GRM7: variants seen among roughly 807,000 people sequenced by gnomAD.
GRM7 encodes the protein metabotropic glutamate receptor 7.
GRM7 carries 35 observed loss-of-function variants against 84.5 expected under a neutral mutation model. That is an observed-to-expected ratio of 0.41 (90% confidence interval 0.32 to 0.55). The LOEUF is 0.55. Ranked by LOEUF, GRM7 falls within the 20% of genes least tolerant of loss-of-function variation. The pLI, the probability that GRM7 is intolerant of heterozygous loss-of-function variation, is 0.19. For synonymous variants in GRM7, 487 were observed against 455.1 expected, an observed-to-expected ratio of 1.07 and a Z score of -0.89; for missense variants, 1,003 against 1,194.6, an observed-to-expected ratio of 0.84 and a Z score of 2.36.
intron 2 of GRM7, among the ~76,000 whole-genome samples, chr3:7,216,558 T>C (rs185910356): frequency 1.3e-5 from 2 of 152,262 alleles, no homozygotes; most frequent in East Asian, 3.9e-4. Context: ...GCTTTAGAGA[T>C]TTATGCAAAA....
chr3:7,653,134 C>A (rs1227316559), intron 8 of GRM7, among the ~76,000 whole-genome samples: 1 of 137,038 alleles, frequency 7.3e-6, no homozygotes, highest in Non-Finnish European at 1.5e-5. Flanking sequence ...CCTTAGCCTG[C>A]TTTGTGTTAT....
intron 4 of GRM7, among the ~76,000 whole-genome samples, chr3:7,403,762 T>A (rs867586088): frequency 7.3e-5 from 11 of 150,780 alleles, no homozygotes; most frequent in African/African-American, 2.7e-4. Context: ...TATTTGTATA[T>A]ATAAGAATAT....
chr3:7,331,186 C>T (rs1479625805), intron 4 of GRM7, among the ~76,000 whole-genome samples: 1 of 152,134 alleles, frequency 6.6e-6, no homozygotes, highest in Non-Finnish European at 1.5e-5. Flanking sequence ...GGCTGGCACA[C>T]ATTAGATACT....
chr3:7,456,863 C>G (rs1237664136), intron 6 of GRM7, among the ~76,000 whole-genome samples: 1 of 152,084 alleles, frequency 6.6e-6, no homozygotes, highest in Non-Finnish European at 1.5e-5. Flanking sequence ...AGAAGCTGTG[C>G]TAAATTTAAT....
At chr3:7,683,719 A>C (rs527292460) in intron 9 of GRM7, among the ~76,000 whole-genome samples, 1 of 152,246 alleles carries the variant, frequency 6.6e-6, no homozygotes, top group Non-Finnish European at 1.5e-5. Flanking sequence ...TAGCTACTCA[A>C]CTGAAGAAAT....
At chr3:7,489,178 A>T (rs1048689210) in intron 7 of GRM7, among the ~76,000 whole-genome samples, 4 of 152,184 alleles carry the variant, frequency 2.6e-5, no homozygotes, top group Admixed American at 2.6e-4. Flanking sequence ...TCACCATAAG[A>T]AATATATTTT....
chr3:7,521,102 A>G (rs1700576120), intron 7 of GRM7, among the ~76,000 whole-genome samples: 1 of 152,156 alleles, frequency 6.6e-6, no homozygotes, highest in Admixed American at 6.5e-5. Flanking sequence ...TCAGTTCAAA[A>G]ACTCAGGTGT....
intron 4 of GRM7, among the ~76,000 whole-genome samples, chr3:7,398,597 G>T (rs181894317): frequency 2.0e-5 from 3 of 152,068 alleles, no homozygotes; most frequent in Admixed American, 2.0e-4. Context: ...CTTAAATCTT[G>T]GGAGGACTGT....
chr3:7,184,738 G>A (rs190554528), intron 2 of GRM7, among the ~76,000 whole-genome samples: 69 of 152,162 alleles, frequency 4.5e-4, no homozygotes, highest in African/African-American at 1.5e-3. Context: ...ATATTCAAAT[G>A]TGTTTTATTT....
At chr3:7,278,033 G>A (rs914195534) in intron 2 of GRM7, among the ~76,000 whole-genome samples, 11 of 151,918 alleles carry the variant, frequency 7.2e-5, no homozygotes, top group East Asian at 1.9e-4. Flanking sequence ...TTCCCATTGC[G>A]GTTGAATATT....
chr3:6,934,436 A>G (rs1697615883), intron 1 of GRM7, among the ~76,000 whole-genome samples: 1 of 152,192 alleles, frequency 6.6e-6, no homozygotes, highest in Non-Finnish European at 1.5e-5. Context: ...GGAAAGAATA[A>G]TATTAGAAAA....
chr3:7,673,446 C>A (rs1271945228), intron 8 of GRM7, among the ~76,000 whole-genome samples: 2 of 149,740 alleles, frequency 1.3e-5, no homozygotes. Flanking sequence ...AAAAGTTTCC[C>A]ATGAAAAAAC....
At chr3:7,324,018 A>G (rs892864852) in intron 4 of GRM7, among the ~76,000 whole-genome samples, 1 of 152,084 alleles carries the variant, frequency 6.6e-6, no homozygotes, top group Non-Finnish European at 1.5e-5. Context: ...CCAATTTCTC[A>G]TGCCTTCCCT....
chr3:7,333,609 C>T (rs1701295252), intron 4 of GRM7, among the ~76,000 whole-genome samples: 1 of 152,004 alleles, frequency 6.6e-6, no homozygotes, highest in Admixed American at 6.5e-5. Context: ...AGCAATGGAT[C>T]CAAACCAAGA....
At chr3:7,110,983 G>T (rs1692830203) in intron 1 of GRM7, among the ~76,000 whole-genome samples, 1 of 152,110 alleles carries the variant, frequency 6.6e-6, no homozygotes, top group Non-Finnish European at 1.5e-5. Context: ...CAGAATGGGT[G>T]GAGGGGAAGG....
At chr3:7,350,974 T>G (rs771497889) in intron 4 of GRM7, among the ~76,000 whole-genome samples, 1 of 152,080 alleles carries the variant, frequency 6.6e-6, no homozygotes. Flanking sequence ...TCTCCTTTCA[T>G]CATTGAAACT....
chr3:7,575,369 A>G (rs537936473), intron 7 of GRM7, among the ~76,000 whole-genome samples: 2 of 152,150 alleles, frequency 1.3e-5, no homozygotes, highest in South Asian at 4.1e-4. Context: ...CTTTCCAGCT[A>G]ACTGAAACAG....
intron 4 of GRM7, among the ~76,000 whole-genome samples, chr3:7,365,664 T>TATAC (rs372167085): frequency 6.9e-6 from 1 of 144,600 alleles, no homozygotes; most frequent in Non-Finnish European, 1.5e-5. Flanking sequence ...TATATATATA[T>TATAC]ACACACACGC....
intron 9 of GRM7, among the ~76,000 whole-genome samples, chr3:7,700,291 C>A (rs188946126): frequency 3.6e-4 from 55 of 152,334 alleles, no homozygotes; most frequent in African/African-American, 1.3e-3. Context: ...GCCAGAAGGA[C>A]AGTGGAAGCT....
Sources: allele counts gnomAD v4.1 joint callset (sites outside exome capture counted in the v4.1 genomes callset), GRCh38; gene constraint gnomAD v4.1.1; transcripts MANE v1.5; gene names NCBI Gene and HGNC (gene_info 2026-07-23, HGNC 2026-07-21).